Variants in TENT5D observed in about 807,000 individuals in gnomAD.
TENT5D encodes the protein terminal nucleotidyltransferase 5D.
For synonymous variants in TENT5D, 103 were observed against 100.6 expected (o/e 1.02, Z -0.15); for missense variants, 191 against 287.0 (o/e 0.67, Z 2.42).
At chrX:80,340,472 C>G (rs1443182042) in intron 2 of TENT5D, among the ~76,000 whole-genome samples, 1 of 111,505 alleles carries the variant, frequency 9.0e-6, no homozygotes, top group African/African-American at 3.3e-5. Context: ...CAAAATCTGT[C>G]AAAGTCATGG....
chrX:80,353,487 G>T lies in TENT5D; in HGVS notation c.-142+10923G>T, dbSNP rs774924923. Among the ~76,000 whole-genome samples the T allele has an allele frequency of 8.1e-5, 9 of 111,199 alleles. No individual in the cohort carries two copies. The South Asian group carries it at 3.4e-3, about 42-fold the overall frequency. On this transcript the variant is annotated intron_variant, in intron 3 of 4. Transcript: ENST00000538312. ...CTATTGTGCCCTTCTTTGTGTCTATGTGTACTCAATGTTTAGCTCCCTTAT... is the reference window on the plus strand; with the variant it reads ...CTATTGTGCCCTTCTTTGTGTCTATTTGTACTCAATGTTTAGCTCCCTTAT...
chrX:80,381,037 C>T lies in TENT5D; in HGVS notation c.-142+38473C>T, dbSNP rs1245389022. ...TGCTTATTTTGCCCGTTAGTTGATG[C>T]AGTTTCTTCCTACCATCAATGGTCT... On this transcript the variant is annotated intron_variant, in intron 3 of 4. Transcript: ENST00000538312. Among the ~76,000 whole-genome samples the T allele has an allele frequency of 2.7e-5, 3 of 111,760 alleles. No homozygotes were observed. The East Asian group carries it at 8.4e-4, about 31-fold the overall frequency.
At chrX:80,382,744 C>A (rs1930898438) in intron 3 of TENT5D, among the ~76,000 whole-genome samples, 1 of 109,766 alleles carries the variant, frequency 9.1e-6, no homozygotes, top group African/African-American at 3.3e-5. Flanking sequence ...GCAGTTCAAT[C>A]TGGGACTGCT....
At chrX:80,369,145 G>C (rs1473337312) in intron 3 of TENT5D, among the ~76,000 whole-genome samples, 1 of 111,545 alleles carries the variant, frequency 9.0e-6, no homozygotes, top group Non-Finnish European at 1.9e-5. Flanking sequence ...AGTGACTTGA[G>C]GGCTTAGATT....
intron 3 of TENT5D, among the ~76,000 whole-genome samples, chrX:80,379,245 T>A (rs1170576645): frequency 9.2e-6 from 1 of 108,308 alleles, no homozygotes; most frequent in Non-Finnish European, 1.9e-5. Flanking sequence ...TATGATGGAT[T>A]ACGTTTATTG....
chrX:80,380,663 T>A (rs1930844106), intron 3 of TENT5D, among the ~76,000 whole-genome samples: 1 of 111,766 alleles, frequency 8.9e-6, no homozygotes, highest in Non-Finnish European at 1.9e-5. Context: ...GCATATATAT[T>A]TAGGACAGTT....
chrX:80,430,639 T>G (rs1932070688), intron 1 of TENT5D, among the ~76,000 whole-genome samples: 1 of 111,774 alleles, frequency 8.9e-6, no homozygotes, highest in Admixed American at 9.5e-5. Flanking sequence ...GTATTGAAAT[T>G]AACACTTTCC....
intron 3 of TENT5D, among the ~76,000 whole-genome samples, chrX:80,405,628 T>C (rs2147548486): frequency 8.9e-6 from 1 of 111,781 alleles, no homozygotes; most frequent in African/African-American, 3.2e-5. Context: ...CGCTGATTGC[T>C]AGCACAGCAG....
chrX:80,405,766 C>A (rs1392337448), intron 3 of TENT5D, among the ~76,000 whole-genome samples: 4 of 112,766 alleles, frequency 3.5e-5, no homozygotes, highest in Non-Finnish European at 7.5e-5. Flanking sequence ...CTCAAGGAGG[C>A]CTGCCTGCCT....
rs184760895 is a variant in TENT5D, at chrX:80,367,522, C to T, written c.-142+24958C>T. 4.5e-5 allele frequency among the ~76,000 whole-genome samples: 5 copies of T among 111,411 alleles called. No individual in the cohort carries two copies. In the East Asian group the frequency reaches 1.1e-3, roughly 25 times the overall value. ...GCCAATAAGAACGGAAATCAGTATA[C>T]AGAAGGGATATCTATACTCCCATGT... On this transcript the variant is annotated intron_variant, in intron 3 of 4. Transcript: ENST00000538312.
chrX:80,427,983 C>A (rs770529819), intron 1 of TENT5D, among the ~76,000 whole-genome samples: 1 of 112,248 alleles, frequency 8.9e-6, no homozygotes, highest in East Asian at 2.8e-4. Context: ...AAGAGAAAAA[C>A]ATAAAGGCTT....
chrX:80,359,870 T>C (rs1184707294), intron 3 of TENT5D, among the ~76,000 whole-genome samples: 1 of 111,920 alleles, frequency 8.9e-6, no homozygotes, highest in Non-Finnish European at 1.9e-5. Context: ...AACTGGGAGA[T>C]TATAGAACTC....
At chrX:80,355,570 G>A (rs757153016) in intron 3 of TENT5D, among the ~76,000 whole-genome samples, 2 of 111,668 alleles carry the variant, frequency 1.8e-5, no homozygotes, top group Non-Finnish European at 3.8e-5. Flanking sequence ...ATTTTCTCTG[G>A]CAGCTCAAAT....
intron 3 of TENT5D, among the ~76,000 whole-genome samples, chrX:80,351,727 C>T (rs903488804): frequency 3.6e-5 from 4 of 110,545 alleles, no homozygotes; most frequent in Non-Finnish European, 7.6e-5. Flanking sequence ...GGAGAGGAGG[C>T]GTTCCGGTTT....
intron 1 of TENT5D, among the ~76,000 whole-genome samples, chrX:80,436,069 A>T (rs1180488342): frequency 9.0e-6 from 1 of 111,539 alleles, no homozygotes; most frequent in Non-Finnish European, 1.9e-5. Context: ...TTTACACTCT[A>T]CTACTAGTTT....
At chrX:80,392,676 C>A (rs1263758488) in intron 3 of TENT5D, among the ~76,000 whole-genome samples, 23 of 103,150 alleles carry the variant, frequency 2.2e-4, no homozygotes, top group Non-Finnish European at 4.3e-4. Context: ...GCCACCGCGC[C>A]CGGCTAATTT....
At chrX:80,355,342 A>G (rs1930262097) in intron 3 of TENT5D, among the ~76,000 whole-genome samples, 1 of 111,634 alleles carries the variant, frequency 9.0e-6, no homozygotes, top group South Asian at 3.8e-4. Context: ...AGGCCAGCAG[A>G]CCACAGGGGT....
At position 80,364,971 on chromosome X, in the gene TENT5D, C is replaced by T. The variant is rs1473900856; in HGVS notation, c.-142+22407C>T. The stretch of plus-strand genomic sequence containing the variant: ...CAAGGTCCTCCCTCATTTGTTGATG[C>T]CACTTTTCTTTATCAGGATGGAGAG... On this transcript the variant is annotated intron_variant, in intron 3 of 4. Transcript: ENST00000538312. 4.5e-5 allele frequency among the ~76,000 whole-genome samples: 5 copies of T among 109,935 alleles called. No homozygotes were observed. The Admixed American group carries it at 4.9e-4, about 11-fold the overall frequency.
chrX:80,375,319 T>C (rs1444429240), intron 3 of TENT5D, among the ~76,000 whole-genome samples: 1 of 111,536 alleles, frequency 9.0e-6, no homozygotes, highest in African/African-American at 3.3e-5. Flanking sequence ...TATGCACTGC[T>C]TGTGTTGCTA....
Sources: gnomAD v4.1 joint callset for allele counts (sites outside exome capture counted in the v4.1 genomes callset) on GRCh38, gnomAD v4.1.1 for gene constraint, MANE v1.5 for transcripts, NCBI Gene and HGNC (gene_info 2026-07-23, HGNC 2026-07-21) for gene names.